The following SPG7 variants were observed in gnomAD, a reference collection of about 807,000 sequenced individuals.
The protein encoded by SPG7 is SPG7 matrix AAA peptidase subunit, paraplegin, also known as mitochondrial inner membrane m-AAA protease component paraplegin.
In SPG7, 103 loss-of-function variants were observed where a neutral mutation model predicts 81.9. The observed-to-expected ratio is 1.26, with a 90% CI of 1.07 to 1.48. The LOEUF (loss-of-function observed/expected upper bound fraction) is 1.48, where lower values mean the gene tolerates loss of function less well. Ranked by LOEUF, SPG7 falls within the 40% of genes most tolerant of loss-of-function variation. The probability of loss-of-function intolerance (pLI) is 0.00; values close to 1 mark genes in which losing one functional copy is unlikely to be tolerated. For missense variants in SPG7, 1,241 were observed against 1,087.3 expected, an observed-to-expected ratio of 1.14 and a Z score of -1.99; for synonymous variants, 534 against 444.2, an observed-to-expected ratio of 1.20 and a Z score of -2.54.
intron 13 of SPG7, 133 bp downstream of exon 13, chr16:89,550,742 G>A (rs1471657497): frequency 1.4e-6 from 1 of 699,082 alleles, no homozygotes; most frequent in Non-Finnish European, 2.6e-6. Flanking sequence ...GTGTCTGTAG[G>A]TCATGTGAGA....
At chr16:89,510,424 T>C (rs1336391911) in intron 1 of SPG7, 66 bp from the exon 2 acceptor site, 2 of 962,128 alleles carry the variant, frequency 2.1e-6, no homozygotes, top group Non-Finnish European at 3.3e-6. Context: ...CGATTTTTAG[T>C]CTGCATTGCT....
In SPG7 at chr16:89,532,204, C is replaced by T. The variant is rs760921978; in HGVS notation, c.1150+138C>T. The T allele has an allele frequency of 3.8e-5, 39 of 1,037,248 alleles. No homozygotes were observed. The East Asian group carries it at 6.7e-4, about 18-fold the overall frequency. 64.3% of individuals were successfully genotyped at this position (1,037,248 alleles called of 1,614,324 possible). The stretch of plus-strand genomic sequence containing the variant: ...AGAAGGAAAGCGAGGTCTGGGTTGG[C>T]GGAGGGGTTTTGTCTGCGAAGCACA... On this transcript the variant is annotated intron_variant, in intron 8 of 16. Transcript: ENST00000645818.
intron 9 of SPG7, 22 bp downstream of exon 9, chr16:89,532,658 AC>A: frequency 6.2e-7 from 1 of 1,612,384 alleles, no homozygotes; most frequent in South Asian, 1.1e-5. Flanking sequence ...TGCGCCCCGC[AC>A]CCCCATTGCA....
At chr16:89,519,770 C>G (rs563203998) in intron 3 of SPG7, 8 of 152,332 alleles carry the variant, frequency 5.3e-5, no homozygotes, top group African/African-American at 1.4e-4. Flanking sequence ...GCCCCTGCCC[C>G]GGAGGCCTCT....
At chr16:89,514,308 C>CTTTTTTTTTTTTTTTTTTTT (rs148270097) in intron 3 of SPG7, 1 of 48,418 alleles carries the variant, frequency 2.1e-5, no homozygotes, top group Non-Finnish European at 3.4e-5. Context: ...TGTCCTTTGA[C>CTTTTTTTTTTTTTTTTTTTT]TTTTTTTTTT....
chr16:89,508,486 G>C lies in SPG7; in HGVS notation c.69G>C (p.Trp23Cys), dbSNP rs1457238867. ...CAGGCCCGGGTCCTCGGCCGCTGTG[G>C]GGCCCAGGCCCGGCCTGGAGTCCAG... is the stretch of plus-strand genomic sequence containing the variant. Reference protein sequence around the residue: ...RGPGPGPRPLWGPGPAWSPGF... With the variant: ...RGPGPGPRPLCGPGPAWSPGF... The change falls in exon 1 of 17, where the codon TGG (tryptophan) becomes TGC (cysteine). Residue 23 changes from tryptophan (W) to cysteine (C), a missense_variant. By Grantham distance (215) the Trp-to-Cys change is radical. Transcript: ENST00000645818. The C allele has an allele frequency of 2.0e-6, 3 of 1,509,862 alleles. No homozygotes were observed. The highest frequency in any genetic ancestry group is 2.3e-4 in the Middle Eastern group (1 of 4,306). 93.5% of individuals were successfully genotyped at this position (1,509,862 alleles called of 1,614,324 possible).
chr16:89,546,511 C>G, intron 10 of SPG7, 147 bp from the exon 11 acceptor site: 1 of 733,064 alleles, frequency 1.4e-6, no homozygotes, highest in East Asian at 2.6e-5. Flanking sequence ...AACCCCGTCT[C>G]TACTAAAAAT....
chr16:89,545,282 G>A (rs1242683156), intron 10 of SPG7: 2 of 253,140 alleles, frequency 7.9e-6, no homozygotes, highest in East Asian at 2.1e-4. Context: ...CAGGGCTCTG[G>A]TTGGACGTTA....
rs761518974 is a variant in SPG7 at position 89,531,932 on chromosome 16, C to A, written c.1016C>A (p.Ala339Asp). The A allele has an allele frequency of 3.7e-6, 6 of 1,614,132 alleles. No individual in the cohort carries two copies. The East Asian group carries it at 1.3e-4, about 36-fold the overall frequency. Residue 339 changes from alanine to aspartate, a missense_variant, in exon 8 of 17, where the codon GCC becomes GAC. By Grantham distance (126) the Ala-to-Asp change is moderately radical. Coordinates refer to ENST00000645818, the MANE Select transcript of SPG7 (RefSeq NM_003119.4). ...KSPERFLQLG[A>D]KVPKGALLLG... ...CCAGAACGCTTCCTCCAGCTTGGCG[C>A]CAAGGTCCCAAAGGGCGCACTGCTG...
At chr16:89,510,222 G>T (rs1311448272) in intron 1 of SPG7, among the ~76,000 whole-genome samples, 1 of 150,280 alleles carries the variant, frequency 6.7e-6, no homozygotes, top group Non-Finnish European at 1.5e-5. Flanking sequence ...TGATCCACCC[G>T]CCTCAGCCTC....
chr16:89,510,093 G>C (rs1403368524), intron 1 of SPG7, among the ~76,000 whole-genome samples: 2 of 152,072 alleles, frequency 1.3e-5, no homozygotes, highest in African/African-American at 4.8e-5. Flanking sequence ...TCCTGCCTCA[G>C]CTTCCTGAGT....
chr16:89,557,499 A>T lies in SPG7; in HGVS notation c.*406A>T, dbSNP rs1416794846. ...GTTCCTGTGGCTCCCTCGGAATGCT[A>T]AGGGGATCGGACATGAAAGGACCCT... On this transcript the variant is annotated 3_prime_UTR_variant, in exon 17 of 17. Transcript: ENST00000645818. The T allele has an allele frequency of 7.4e-6, 2 of 271,780 alleles. No homozygotes were observed. The highest frequency in any genetic ancestry group is 4.4e-5 in the African/African-American group (2 of 45,212). 16.8% of individuals were successfully genotyped at this position (271,780 alleles called of 1,614,324 possible).
intron 9 of SPG7, chr16:89,537,370 T>C (rs1479016060): frequency 1.8e-6 from 2 of 1,132,926 alleles, no homozygotes; most frequent in African/African-American, 1.6e-5. Flanking sequence ...CTGGAAAGCG[T>C]TGATGGGGAG....
chr16:89,544,809 G>C (rs1567926511), intron 10 of SPG7, 37 bp downstream of exon 10: 1 of 1,612,836 alleles, frequency 6.2e-7, no homozygotes, highest in Non-Finnish European at 8.5e-7. Context: ...CACTCCACCT[G>C]GGCCGCCCCC....
chr16:89,551,691 C>T (rs2058635527), intron 13 of SPG7: 1 of 152,214 alleles, frequency 6.6e-6, no homozygotes, highest in African/African-American at 2.4e-5. Context: ...GAGTTCGAGA[C>T]CAGCCTGGCC....
chr16:89,537,017 C>T, intron 9 of SPG7: 6 of 1,611,032 alleles, frequency 3.7e-6, no homozygotes, highest in South Asian at 2.2e-5. Flanking sequence ...CTGCTTCCGC[C>T]CCCGGATTTG....
At chr16:89,536,409 T>C (rs984196772) in intron 9 of SPG7, among the ~76,000 whole-genome samples, 7 of 151,628 alleles carry the variant, frequency 4.6e-5, no homozygotes, top group Non-Finnish European at 1.0e-4. Context: ...TGAGGAAATC[T>C]GCAGAGCACC....
chr16:89,514,968 G>T (rs544844547), intron 3 of SPG7, among the ~76,000 whole-genome samples: 1 of 130,790 alleles, frequency 7.6e-6, no homozygotes, highest in Admixed American at 9.1e-5. Flanking sequence ...ACGGAGTCTC[G>T]CTCTGTCGCC....
chr16:89,551,383 G>A (rs943471091), intron 13 of SPG7: 1 of 155,974 alleles, frequency 6.4e-6, no homozygotes, highest in Non-Finnish European at 1.4e-5. Flanking sequence ...TGGTTCTCAG[G>A]TGTGAGTTGT....
Sources: gnomAD v4.1 joint callset for allele counts (sites outside exome capture counted in the v4.1 genomes callset) on GRCh38, gnomAD v4.1.1 for gene constraint, MANE v1.5 for transcripts, NCBI Gene and HGNC (gene_info 2026-07-23, HGNC 2026-07-21) for gene names.